KCNAB1: variants seen among roughly 807,000 people sequenced by gnomAD.
KCNAB1 encodes the protein voltage-gated potassium channel subunit beta-1.
In KCNAB1, 35 loss-of-function variants were observed where a neutral mutation model predicts 64.6. The ratio of observed to expected loss-of-function variants is 0.54; its 90% CI spans 0.41 to 0.72. The LOEUF is 0.72. Among genes scored for constraint, KCNAB1 ranks in the 30% least tolerant of loss-of-function variants. KCNAB1 has a pLI of 0.00. For missense variants in KCNAB1, 401 were observed against 512.9 expected, an observed-to-expected ratio of 0.78 and a Z score of 2.11; for synonymous variants, 177 against 183.8, an observed-to-expected ratio of 0.96 and a Z score of 0.30.
At chr3:156,211,914 G>A (rs1715031370) in intron 1 of KCNAB1, among the ~76,000 whole-genome samples, 1 of 152,230 alleles carries the variant, frequency 6.6e-6, no homozygotes, top group South Asian at 2.1e-4. Context: ...AGAATTGGAG[G>A]AAGAGTTTGG....
intron 1 of KCNAB1, among the ~76,000 whole-genome samples, chr3:156,419,313 T>A (rs1715306131): frequency 6.6e-6 from 1 of 151,944 alleles, no homozygotes; most frequent in African/African-American, 2.4e-5. Context: ...CCACCCTGGC[T>A]AACACAGTGA....
intron 1 of KCNAB1, among the ~76,000 whole-genome samples, chr3:156,267,043 C>G (rs1718763056): frequency 6.6e-6 from 1 of 151,898 alleles, no homozygotes; most frequent in African/African-American, 2.4e-5. Context: ...AAAAAAAATA[C>G]AATACTAACA....
At position 156,440,269 on chromosome 3, in the gene KCNAB1, G is replaced by A. The variant is rs1187526655; in HGVS notation, c.320-12630G>A. 2.6e-5 allele frequency among the ~76,000 whole-genome samples: 4 copies of A among 152,296 alleles called. No individual in the cohort carries two copies. In the South Asian group the frequency reaches 8.3e-4, roughly 32 times the overall value. On this transcript the variant is annotated intron_variant, in intron 2 of 13. Coordinates refer to ENST00000490337, the MANE Select transcript of KCNAB1 (RefSeq NM_172160.3). ...ATATTTATATTTTTTGATGTCTCTA[G>A]TTACCTAAATTTCTGGATAACTTTG...
intron 1 of KCNAB1, among the ~76,000 whole-genome samples, chr3:156,299,044 G>A (rs1455356389): frequency 6.6e-6 from 1 of 152,232 alleles, no homozygotes; most frequent in Admixed American, 6.5e-5. Context: ...CAGTTACTTT[G>A]TTTTATATAG....
intron 8 of KCNAB1, among the ~76,000 whole-genome samples, chr3:156,480,750 A>G (rs1260333503): frequency 6.6e-6 from 1 of 152,020 alleles, no homozygotes; most frequent in African/African-American, 2.4e-5. Flanking sequence ...TCAGTAGACA[A>G]TTTTAATTAG....
chr3:156,162,433 C>G (rs947675763), intron 1 of KCNAB1, among the ~76,000 whole-genome samples: 1 of 152,106 alleles, frequency 6.6e-6, no homozygotes, highest in Non-Finnish European at 1.5e-5. Context: ...CAAAACAGAG[C>G]CTTCCATTAA....
At chr3:156,293,273 G>A (rs909127104) in intron 1 of KCNAB1, among the ~76,000 whole-genome samples, 12 of 152,338 alleles carry the variant, frequency 7.9e-5, no homozygotes, top group Non-Finnish European at 1.6e-4. Context: ...ATGTAGAGGA[G>A]AGAAGCTACC....
At chr3:156,326,178 T>C (rs1722960320) in intron 1 of KCNAB1, among the ~76,000 whole-genome samples, 2 of 152,156 alleles carry the variant, frequency 1.3e-5, no homozygotes, top group Admixed American at 1.3e-4. Flanking sequence ...TTCCCGTATT[T>C]TTGCCTTGTT....
chr3:156,450,725 C>A (rs934917119), intron 2 of KCNAB1, among the ~76,000 whole-genome samples: 5 of 152,116 alleles, frequency 3.3e-5, no homozygotes, highest in Admixed American at 6.5e-5. Flanking sequence ...CAAATGCTGC[C>A]ATTTCTTCAG....
chr3:156,347,312 T>G (rs534491041), intron 1 of KCNAB1, among the ~76,000 whole-genome samples: 1 of 152,348 alleles, frequency 6.6e-6, no homozygotes, highest in South Asian at 2.1e-4. Flanking sequence ...CCAACTCAGC[T>G]GCAAATGCAG....
rs143826285 is a variant in KCNAB1 at position 156,242,132 on chromosome 3, C to T, written c.275+121246C>T. ...TCACTTAGTGTGGGCTGATTTTTGT[C>T]CATTGTGCAGTGTGCTCTGTGGGGC... On this transcript the variant is annotated intron_variant, in intron 1 of 13. Transcript: ENST00000490337. Among the ~76,000 whole-genome samples the T allele has an allele frequency of 2.2e-4, 33 of 152,266 alleles. 1 individual carries two copies. In the East Asian group the frequency reaches 5.8e-3, roughly 27 times the overall value.
intron 1 of KCNAB1, among the ~76,000 whole-genome samples, chr3:156,163,130 A>G (rs1185827458): frequency 2.6e-5 from 4 of 152,220 alleles, no homozygotes; most frequent in African/African-American, 7.2e-5. Context: ...TTAAATTAAC[A>G]TAACAGTAAA....
At chr3:156,366,947 A>C (rs1725980526) in intron 1 of KCNAB1, among the ~76,000 whole-genome samples, 1 of 152,194 alleles carries the variant, frequency 6.6e-6, no homozygotes, top group Non-Finnish European at 1.5e-5. Flanking sequence ...AAGTTAACAG[A>C]AGGAAAAGAC....
intron 1 of KCNAB1, among the ~76,000 whole-genome samples, chr3:156,387,336 C>G (rs1401418655): frequency 1.3e-5 from 2 of 152,018 alleles, no homozygotes; most frequent in African/African-American, 4.8e-5. Flanking sequence ...GAGAGACAAG[C>G]CCAAAGGTTA....
chr3:156,312,158 G>C (rs1297287847), intron 1 of KCNAB1, among the ~76,000 whole-genome samples: 2 of 152,190 alleles, frequency 1.3e-5, no homozygotes, highest in Non-Finnish European at 2.9e-5. Context: ...GTGTTAAATT[G>C]GTTTTGAGAT....
intron 1 of KCNAB1, among the ~76,000 whole-genome samples, chr3:156,350,867 C>A (rs1194130677): frequency 6.6e-6 from 1 of 152,156 alleles, no homozygotes; most frequent in Non-Finnish European, 1.5e-5. Flanking sequence ...TTGCTGTGTC[C>A]CTGGCACTGG....
chr3:156,503,160 C>T (rs1475772845), intron 8 of KCNAB1, among the ~76,000 whole-genome samples: 1 of 152,078 alleles, frequency 6.6e-6, no homozygotes, highest in Non-Finnish European at 1.5e-5. Context: ...TTGGAATCAC[C>T]AGGTTTTAGT....
At chr3:156,310,071 A>T (rs1469936858) in intron 1 of KCNAB1, among the ~76,000 whole-genome samples, 1 of 152,126 alleles carries the variant, frequency 6.6e-6, no homozygotes, top group Non-Finnish European at 1.5e-5. Context: ...TCTGCCCTCA[A>T]TTTAATATAA....
chr3:156,419,664 T>G lies in KCNAB1; in HGVS notation c.276-1952T>G, dbSNP rs143371971. ...ACCCTTTTCTAGATCCTTTTCTCCA[T>G]GATACCTACAAAGTTATGCAAATAT... On this transcript the variant is annotated intron_variant, in intron 1 of 13. Transcript: ENST00000490337. 7.2e-5 allele frequency among the ~76,000 whole-genome samples: 11 copies of G among 152,316 alleles called. No homozygotes were observed. The East Asian group carries it at 1.9e-3, about 27-fold the overall frequency.
Sources: gnomAD v4.1 joint callset for allele counts (sites outside exome capture counted in the v4.1 genomes callset) on GRCh38, gnomAD v4.1.1 for gene constraint, MANE v1.5 for transcripts, NCBI Gene and HGNC (gene_info 2026-07-23, HGNC 2026-07-21) for gene names.